The following CSMD1 variants were observed in gnomAD, a reference collection of about 807,000 sequenced individuals.
CSMD1 encodes CUB and Sushi multiple domains 1.
CSMD1 carries 213 observed loss-of-function variants against 417.5 expected under a neutral mutation model. That is an observed-to-expected ratio of 0.51 (90% CI 0.46 to 0.57). The LOEUF is 0.57. Among genes scored for constraint, CSMD1 ranks in the 20% least tolerant of loss-of-function variants. The pLI, the probability that CSMD1 is intolerant of heterozygous loss-of-function variation, is 0.00. For synonymous variants in CSMD1, 2,862 were observed against 1,736.8 expected (o/e 1.65, Z -16.11); for missense variants, 6,923 against 4,529.7 (o/e 1.53, Z -15.17).
chr8:4,348,255 C>T (rs1053257875), intron 3 of CSMD1, among the ~76,000 whole-genome samples: 2 of 152,038 alleles, frequency 1.3e-5, no homozygotes, highest in African/African-American at 4.8e-5. Context: ...ACTATCTCTT[C>T]ATGTCTAAGG....
chr8:3,702,431 A>T (rs1800923789), intron 7 of CSMD1, among the ~76,000 whole-genome samples: 1 of 152,374 alleles, frequency 6.6e-6, no homozygotes, highest in Middle Eastern at 3.4e-3. Flanking sequence ...TCCACAGATT[A>T]TCTACTTTAG....
chr8:4,308,444 G>C lies in CSMD1; in HGVS notation c.415+111509C>G, dbSNP rs138629610. Among the ~76,000 whole-genome samples the C allele has an allele frequency of 7.4e-3, 1,133 of 152,150 alleles. 13 individuals carry two copies. Among genetic ancestry groups the C allele is most frequent in the African/African-American group, 0.026 (1,085 of 41,518 alleles). On this transcript the variant is annotated intron_variant, in intron 3 of 69. Coordinates refer to ENST00000635120, the MANE Select transcript of CSMD1 (RefSeq NM_033225.6). ...TGGAAAGTCTGATGATGGGAAAAAA[G>C]GTTTAGAAAAGGATGTGATCTTCAG...
intron 5 of CSMD1, among the ~76,000 whole-genome samples, chr8:3,952,090 C>A (rs1473052321): frequency 6.6e-6 from 1 of 152,066 alleles, no homozygotes; most frequent in South Asian, 2.1e-4. Context: ...AAATAAAAAT[C>A]TTTAAATTTC....
chr8:3,837,753 C>A (rs1344648928), intron 5 of CSMD1, among the ~76,000 whole-genome samples: 4 of 151,926 alleles, frequency 2.6e-5, no homozygotes, highest in Non-Finnish European at 5.9e-5. Flanking sequence ...TGGCTCCTCC[C>A]AGTTTATCAG....
chr8:3,781,412 G>A (rs1799173486), intron 5 of CSMD1, among the ~76,000 whole-genome samples: 1 of 152,134 alleles, frequency 6.6e-6, no homozygotes. Flanking sequence ...GAGGCCAGGT[G>A]GACTGGGAGC....
chr8:4,746,096 C>G (rs1049870336), intron 1 of CSMD1, among the ~76,000 whole-genome samples: 10 of 152,218 alleles, frequency 6.6e-5, no homozygotes, highest in Admixed American at 6.5e-5. Flanking sequence ...AACCCCGTGA[C>G]TTCACTTGTG....
intron 3 of CSMD1, among the ~76,000 whole-genome samples, chr8:4,101,513 A>G (rs1801304157): frequency 6.6e-6 from 1 of 152,152 alleles, no homozygotes; most frequent in African/African-American, 2.4e-5. Flanking sequence ...CAGTCACCAA[A>G]TATGCCGACC....
chr8:4,401,619 G>C (rs542823908), intron 3 of CSMD1, among the ~76,000 whole-genome samples: 1 of 152,190 alleles, frequency 6.6e-6, no homozygotes, highest in South Asian at 2.1e-4. Flanking sequence ...GTCACCACAA[G>C]AATCCCGGAT....
At chr8:4,930,620 T>G (rs552848121) in intron 1 of CSMD1, among the ~76,000 whole-genome samples, 74 of 152,284 alleles carry the variant, frequency 4.9e-4, no homozygotes, top group Non-Finnish European at 9.0e-4. Context: ...TTATCACCTG[T>G]CTCTCCAAAG....
intron 3 of CSMD1, among the ~76,000 whole-genome samples, chr8:4,182,941 T>A (rs924656827): frequency 6.6e-6 from 1 of 151,910 alleles, no homozygotes; most frequent in Non-Finnish European, 1.5e-5. Context: ...AATTAGCAAA[T>A]GAAGATAATG....
At chr8:4,499,764 A>C (rs1802161086) in intron 2 of CSMD1, among the ~76,000 whole-genome samples, 1 of 152,250 alleles carries the variant, frequency 6.6e-6, no homozygotes, top group African/African-American at 2.4e-5. Flanking sequence ...GAAAGTTAGT[A>C]AAGGTGAAGA....
At chr8:4,018,835 G>C (rs1042825674) in intron 4 of CSMD1, among the ~76,000 whole-genome samples, 8 of 152,226 alleles carry the variant, frequency 5.3e-5, no homozygotes, top group African/African-American at 1.4e-4. Context: ...CCTTGGTGAA[G>C]TCACTGAATT....
chr8:3,751,398 A>G (rs1397587535), intron 6 of CSMD1, among the ~76,000 whole-genome samples: 1 of 145,602 alleles, frequency 6.9e-6, no homozygotes, highest in African/African-American at 2.5e-5. Context: ...TTATATAAAT[A>G]TAATACAATA....
chr8:3,926,566 G>A (rs144298487), intron 5 of CSMD1, among the ~76,000 whole-genome samples: 62 of 151,582 alleles, frequency 4.1e-4, no homozygotes, highest in African/African-American at 1.4e-3. Context: ...AATTTTTGAT[G>A]ATTATTCTAA....
At chr8:3,835,886 G>T (rs1227091408) in intron 5 of CSMD1, among the ~76,000 whole-genome samples, 1 of 151,884 alleles carries the variant, frequency 6.6e-6, no homozygotes, top group African/African-American at 2.4e-5. Context: ...TTTTTTCCAT[G>T]AAGGCTTTGA....
chr8:4,247,729 A>G (rs113807985), intron 3 of CSMD1, among the ~76,000 whole-genome samples: 3 of 152,244 alleles, frequency 2.0e-5, no homozygotes, highest in African/African-American at 7.2e-5. Context: ...CGCCCTTTTG[A>G]AAATGTATCA....
chr8:3,460,902 T>G (rs117478722), intron 12 of CSMD1, among the ~76,000 whole-genome samples: 1 of 152,150 alleles, frequency 6.6e-6, no homozygotes, highest in Non-Finnish European at 1.5e-5. Flanking sequence ...AAGGCAGACA[T>G]GACCACTTGT....
intron 61 of CSMD1, among the ~76,000 whole-genome samples, chr8:2,961,934 T>G (rs956129219): frequency 6.6e-6 from 1 of 152,198 alleles, no homozygotes; most frequent in African/African-American, 2.4e-5. Context: ...TCAATGACAA[T>G]ATTTCTTTAA....
chr8:3,741,101 G>C (rs570748780), intron 6 of CSMD1, among the ~76,000 whole-genome samples: 1 of 151,214 alleles, frequency 6.6e-6, no homozygotes, highest in Admixed American at 6.6e-5. Context: ...TGTGATCCCA[G>C]CTACTTGGAG....
Sources: gnomAD v4.1 joint callset for allele counts (sites outside exome capture counted in the v4.1 genomes callset) on GRCh38, gnomAD v4.1.1 for gene constraint, MANE v1.5 for transcripts, NCBI Gene and HGNC (gene_info 2026-07-23, HGNC 2026-07-21) for gene names.